LTBP1: variants seen among roughly 807,000 people sequenced by gnomAD.
LTBP1 encodes latent transforming growth factor beta binding protein 1, also known as latent-transforming growth factor beta-binding protein 1.
Under a neutral mutation model 207.6 loss-of-function variants are expected in LTBP1, and 129 were observed. That is an observed-to-expected ratio of 0.62 (90% CI 0.54 to 0.72). The LOEUF is 0.72. Ranked by LOEUF, LTBP1 falls within the 30% of genes least tolerant of loss-of-function variation. The pLI, the probability that LTBP1 is intolerant of heterozygous loss-of-function variation, is 0.00. For missense variants in LTBP1, 2,281 were observed against 2,217.2 expected, an observed-to-expected ratio of 1.03 and a Z score of -0.58; for synonymous variants, 963 against 833.7, an observed-to-expected ratio of 1.16 and a Z score of -2.67.
At position 33,200,753 on chromosome 2, in the gene LTBP1, C is replaced by G. The variant is rs533986525; in HGVS notation, c.1701+11902C>G. Among the ~76,000 whole-genome samples, 187 of 152,176 alleles carry G rather than the reference C, an allele frequency of 1.2e-3. 1 individual carries two copies. The highest frequency in any genetic ancestry group is 2.3e-3 in the Non-Finnish European group (157 of 68,006). On this transcript the variant is annotated intron_variant, in intron 7 of 33. Coordinates refer to ENST00000404816, the MANE Select transcript of LTBP1 (RefSeq NM_206943.4). ...CTGACAAAGGGCTAATATCCAGAAT[C>G]TACAATGAACTCAAACAAATTTACA...
chr2:32,961,985 G>A (rs1476506536), intron 2 of LTBP1, among the ~76,000 whole-genome samples: 1 of 151,756 alleles, frequency 6.6e-6, no homozygotes, highest in Non-Finnish European at 1.5e-5. Flanking sequence ...TCACAGAAGG[G>A]CCATATAAAC....
At chr2:33,322,726 G>A (rs934134412) in intron 24 of LTBP1, among the ~76,000 whole-genome samples, 1 of 152,130 alleles carries the variant, frequency 6.6e-6, no homozygotes, top group African/African-American at 2.4e-5. Flanking sequence ...TAGAATGAGG[G>A]CATTTATTAT....
At chr2:32,969,074 C>T (rs1372838057) in intron 2 of LTBP1, among the ~76,000 whole-genome samples, 6 of 151,698 alleles carry the variant, frequency 4.0e-5, no homozygotes, top group South Asian at 2.1e-4. Context: ...TACAGGTGCC[C>T]GCCACCATGC....
chr2:33,357,555 C>G (rs2094878778), intron 26 of LTBP1, among the ~76,000 whole-genome samples: 1 of 152,146 alleles, frequency 6.6e-6, no homozygotes, highest in South Asian at 2.1e-4. Flanking sequence ...CACCTTCTAT[C>G]TCATATAGTT....
chr2:33,061,165 A>G (rs1572442066), intron 3 of LTBP1, among the ~76,000 whole-genome samples: 1 of 152,160 alleles, frequency 6.6e-6, no homozygotes, highest in East Asian at 1.9e-4. Context: ...GGTTTTAAAA[A>G]TCTTACATAT....
chr2:33,019,210 G>A (rs1407165803), intron 2 of LTBP1, among the ~76,000 whole-genome samples: 1 of 151,762 alleles, frequency 6.6e-6, no homozygotes, highest in African/African-American at 2.4e-5. Context: ...AAGGTGAGCT[G>A]ACAGCAACAG....
At chr2:33,120,161 CAT>C (rs1253593642) in intron 4 of LTBP1, among the ~76,000 whole-genome samples, 3 of 152,090 alleles carry the variant, frequency 2.0e-5, no homozygotes, top group African/African-American at 7.2e-5. Flanking sequence ...TATATACACA[CAT>C]ATATTCAATC....
At chr2:33,131,695 C>T (rs1347973116) in intron 4 of LTBP1, among the ~76,000 whole-genome samples, 2 of 152,186 alleles carry the variant, frequency 1.3e-5, no homozygotes, top group African/African-American at 2.4e-5. Flanking sequence ...TAGCAGAATG[C>T]TTGTAAAACA....
At position 33,164,135 on chromosome 2, in the gene LTBP1, G is replaced by A. The variant is rs184039888; in HGVS notation, c.1202-22721G>A. Among the ~76,000 whole-genome samples, 154 of 151,838 alleles carry A rather than the reference G, an allele frequency of 1.0e-3. 2 individuals carry two copies. The highest frequency in any genetic ancestry group is 4.7e-3 in the Admixed American group (71 of 15,254). ...GGAGGCTGAGGTGGGCAGATCACGA[G>A]TTCAGGAGTTCGAGACCAGCCTGGC... On this transcript the variant is annotated intron_variant, in intron 5 of 33. Transcript: ENST00000404816.
intron 10 of LTBP1, among the ~76,000 whole-genome samples, chr2:33,250,586 T>C (rs888222444): frequency 6.6e-6 from 1 of 152,068 alleles, no homozygotes; most frequent in African/African-American, 2.4e-5. Context: ...CCTCCAGTGA[T>C]CCACATTCCC....
chr2:33,022,428 T>C (rs985743092), intron 3 of LTBP1, among the ~76,000 whole-genome samples: 18 of 152,160 alleles, frequency 1.2e-4, no homozygotes, highest in East Asian at 1.9e-4. Context: ...AAAGGTAAGA[T>C]AGGTATAGCT....
At chr2:33,116,393 T>C (rs946583794) in intron 4 of LTBP1, among the ~76,000 whole-genome samples, 2 of 152,186 alleles carry the variant, frequency 1.3e-5, no homozygotes, top group Non-Finnish European at 2.9e-5. Flanking sequence ...AAATTTTACG[T>C]TTTAGGCATG....
rs34125829 is a variant in LTBP1, at chr2:33,137,604, A to G, written c.1201+2644A>G. On this transcript the variant is annotated intron_variant, in intron 5 of 33. Transcript: ENST00000404816. ...GTGCCATTCTCTAAGGAGTCAACAT[A>G]ATCCAGGGAAAATTATATGGACTTC... Among the ~76,000 whole-genome samples, 1,193 of 152,376 alleles carry G rather than the reference A, an allele frequency of 7.8e-3. 22 individuals carry two copies. Among genetic ancestry groups the G allele is most frequent in the South Asian group, 0.02 (98 of 4,824 alleles).
chr2:33,151,456 T>G (rs1352623958), intron 5 of LTBP1, among the ~76,000 whole-genome samples: 1 of 152,132 alleles, frequency 6.6e-6, no homozygotes, highest in East Asian at 1.9e-4. Context: ...CCTTTTTTTT[T>G]GTATTTTATT....
At chr2:33,397,103 C>G (rs767128706) in intron 32 of LTBP1, 30 bp from the exon 33 acceptor site, 7 of 1,604,112 alleles carry the variant, frequency 4.4e-6, no homozygotes, top group South Asian at 3.3e-5. Flanking sequence ...TTGAGAAGCT[C>G]TAACTTAGCT....
At chr2:33,376,824 A>G (rs1408929899) in intron 31 of LTBP1, among the ~76,000 whole-genome samples, 1 of 152,112 alleles carries the variant, frequency 6.6e-6, no homozygotes, top group Non-Finnish European at 1.5e-5. Context: ...CTCCTTTACT[A>G]AACTGGGGAA....
At chr2:33,333,505 G>GAGAT (rs373863734) in intron 24 of LTBP1, among the ~76,000 whole-genome samples, 62 of 152,290 alleles carry the variant, frequency 4.1e-4, no homozygotes, top group African/African-American at 1.5e-3. Flanking sequence ...AAATGCTCTG[G>GAGAT]AGATAGAGCC....
intron 2 of LTBP1, among the ~76,000 whole-genome samples, chr2:33,019,328 CTTTTT>C (rs58570641): frequency 3.4e-5 from 3 of 87,670 alleles, no homozygotes; most frequent in African/African-American, 1.3e-4. Flanking sequence ...ATGTACACTT[CTTTTT>C]TTTTTTTTTT....
At chr2:33,093,017 G>A (rs2079189625) in intron 3 of LTBP1, among the ~76,000 whole-genome samples, 1 of 152,170 alleles carries the variant, frequency 6.6e-6, no homozygotes, top group African/African-American at 2.4e-5. Context: ...TTCTGTCACA[G>A]GTGGAGGGGA....
Sources: gnomAD v4.1 joint callset for allele counts (sites outside exome capture counted in the v4.1 genomes callset) on GRCh38, gnomAD v4.1.1 for gene constraint, MANE v1.5 for transcripts, NCBI Gene and HGNC (gene_info 2026-07-23, HGNC 2026-07-21) for gene names.